The following KCTD16 variants were observed in gnomAD, a reference collection of about 807,000 sequenced individuals.
The protein encoded by KCTD16 is potassium channel tetramerization domain containing 16.
In KCTD16, 13 loss-of-function variants were observed where a neutral mutation model predicts 33.2. The ratio of observed to expected loss-of-function variants is 0.39; its 90% CI spans 0.25 to 0.62. The LOEUF (loss-of-function observed/expected upper bound fraction) is 0.62, where lower values mean the gene tolerates loss of function less well. Among genes scored for constraint, KCTD16 ranks in the 20% least tolerant of loss-of-function variants. The probability of loss-of-function intolerance (pLI) is 0.50; values close to 1 mark genes in which losing one functional copy is unlikely to be tolerated. For synonymous variants in KCTD16, 197 were observed against 195.3 expected, an observed-to-expected ratio of 1.01 and a Z score of -0.07; for missense variants, 441 against 525.1, an observed-to-expected ratio of 0.84 and a Z score of 1.57.
chr5:144,392,429 T>C (rs555365606), intron 3 of KCTD16, among the ~76,000 whole-genome samples: 3 of 152,214 alleles, frequency 2.0e-5, no homozygotes, highest in East Asian at 3.9e-4. Flanking sequence ...GTCATTGAAG[T>C]GTATGGAAGC....
At chr5:144,473,513 C>T in intron 3 of KCTD16, 147 bp from the exon 4 acceptor site, 1 of 751,938 alleles carries the variant, frequency 1.3e-6, no homozygotes, top group Non-Finnish European at 2.1e-6. Flanking sequence ...CTGTTGCAGC[C>T]CACCCTGGGT....
intron 3 of KCTD16, among the ~76,000 whole-genome samples, chr5:144,373,314 A>AG (rs367911135): frequency 6.6e-6 from 1 of 152,168 alleles, no homozygotes; most frequent in African/African-American, 2.4e-5. Flanking sequence ...CCCTGCTATG[A>AG]GGGGTGGTAA....
chr5:144,446,259 G>C (rs1413455884), intron 3 of KCTD16, among the ~76,000 whole-genome samples: 1 of 151,622 alleles, frequency 6.6e-6, no homozygotes, highest in Non-Finnish European at 1.5e-5. Context: ...ATCCTACATG[G>C]TGATCTTTTT....
chr5:144,276,954 G>A (rs1438385529), intron 3 of KCTD16, among the ~76,000 whole-genome samples: 1 of 151,214 alleles, frequency 6.6e-6, no homozygotes, highest in Non-Finnish European at 1.5e-5. Flanking sequence ...AAAAATAACA[G>A]TATTGCAATA....
intron 3 of KCTD16, among the ~76,000 whole-genome samples, chr5:144,326,599 C>T (rs974407981): frequency 6.6e-5 from 10 of 151,848 alleles, no homozygotes; most frequent in African/African-American, 2.4e-4. Flanking sequence ...TCAATACCTC[C>T]CACTATTCTC....
chr5:144,439,371 C>T (rs993958521), intron 3 of KCTD16: 6 of 516,314 alleles, frequency 1.2e-5, no homozygotes, highest in Non-Finnish European at 2.3e-5. Flanking sequence ...ATGGAGGAAT[C>T]TTGGCATTCA....
At chr5:144,472,266 T>C (rs1754493499) in intron 3 of KCTD16, among the ~76,000 whole-genome samples, 1 of 152,218 alleles carries the variant, frequency 6.6e-6, no homozygotes, top group Non-Finnish European at 1.5e-5. Flanking sequence ...GTGCCCAGCA[T>C]GTAATACATG....
intron 2 of KCTD16, among the ~76,000 whole-genome samples, chr5:144,200,290 A>C (rs184485056): frequency 1.8e-4 from 28 of 152,302 alleles, no homozygotes; most frequent in African/African-American, 6.7e-4. Context: ...GACAGTGGAA[A>C]TCAGGAGTAT....
chr5:144,387,849 A>G (rs1752359247), intron 3 of KCTD16, among the ~76,000 whole-genome samples: 1 of 152,124 alleles, frequency 6.6e-6, no homozygotes, highest in South Asian at 2.1e-4. Context: ...ATCATTGAAG[A>G]GTTTTTTAGA....
chr5:144,267,264 T>C (rs905090921), intron 3 of KCTD16, among the ~76,000 whole-genome samples: 7 of 152,194 alleles, frequency 4.6e-5, no homozygotes, highest in East Asian at 1.9e-4. Context: ...CTGTGTGACA[T>C]TGAGCACCTT....
intron 3 of KCTD16, among the ~76,000 whole-genome samples, chr5:144,425,442 G>A (rs986406964): frequency 6.6e-6 from 1 of 151,660 alleles, no homozygotes; most frequent in Non-Finnish European, 1.5e-5. Context: ...GAGTACTGGG[G>A]TCTCTGAAGG....
At chr5:144,328,948 GA>G (rs1363443726) in intron 3 of KCTD16, among the ~76,000 whole-genome samples, 2 of 151,606 alleles carry the variant, frequency 1.3e-5, no homozygotes, top group African/African-American at 4.8e-5. Context: ...CTGCTATAGT[GA>G]TTTTAAATCT....
chr5:144,335,796 G>C (rs1024525119), intron 3 of KCTD16, among the ~76,000 whole-genome samples: 2 of 152,198 alleles, frequency 1.3e-5, no homozygotes, highest in Non-Finnish European at 2.9e-5. Flanking sequence ...GTGCGAGATA[G>C]AGTTGGAGGG....
At chr5:144,223,459 G>T (rs1580801336) in intron 3 of KCTD16, among the ~76,000 whole-genome samples, 1 of 152,070 alleles carries the variant, frequency 6.6e-6, no homozygotes, top group East Asian at 1.9e-4. Flanking sequence ...GGTAGCATCA[G>T]CCCTATATTT....
chr5:144,293,525 A>G (rs561526065), intron 3 of KCTD16, among the ~76,000 whole-genome samples: 1 of 152,220 alleles, frequency 6.6e-6, no homozygotes, highest in African/African-American at 2.4e-5. Context: ...CTCTCTGACC[A>G]TATCCATTGC....
intron 2 of KCTD16, among the ~76,000 whole-genome samples, chr5:144,192,199 CAAG>C: frequency 6.6e-6 from 1 of 152,164 alleles, no homozygotes; most frequent in Non-Finnish European, 1.5e-5. Context: ...TTCTCTTCTT[CAAG>C]GTTTCAGGTT....
intron 3 of KCTD16, among the ~76,000 whole-genome samples, chr5:144,338,037 C>A (rs182815383): frequency 6.6e-6 from 1 of 152,098 alleles, no homozygotes; most frequent in Non-Finnish European, 1.5e-5. Context: ...AGGAGTATAA[C>A]GTCAGAGGGC....
At chr5:144,180,964 G>A (rs1395780839) in intron 2 of KCTD16, among the ~76,000 whole-genome samples, 2 of 149,430 alleles carry the variant, frequency 1.3e-5, no homozygotes, top group Non-Finnish European at 3.0e-5. Flanking sequence ...ACGGAGTCTC[G>A]CTCTGTCGCC....
At chr5:144,467,925 C>T (rs555200680) in intron 3 of KCTD16, among the ~76,000 whole-genome samples, 23 of 152,260 alleles carry the variant, frequency 1.5e-4, no homozygotes, top group African/African-American at 5.5e-4. Context: ...TTTCCTTTGC[C>T]CAGCTGGCTT....
Sources: gnomAD v4.1 joint callset for allele counts (sites outside exome capture counted in the v4.1 genomes callset) on GRCh38, gnomAD v4.1.1 for gene constraint, MANE v1.5 for transcripts, NCBI Gene and HGNC (gene_info 2026-07-23, HGNC 2026-07-21) for gene names.